ARHGAP29: variants seen among roughly 807,000 people sequenced by gnomAD.
ARHGAP29 encodes Rho GTPase activating protein 29.
A neutral mutation model predicts 122.6 loss-of-function variants in ARHGAP29; 43 were observed. The observed-to-expected ratio is 0.35, with a 90% CI of 0.27 to 0.45. ARHGAP29 has a LOEUF of 0.45. Ranked by LOEUF, ARHGAP29 falls within the 20% of genes least tolerant of loss-of-function variation. ARHGAP29 has a pLI of 1.00. For missense variants in ARHGAP29, 1,303 were observed against 1,477.2 expected (o/e 0.88, Z 1.93); for synonymous variants, 506 against 497.1 (o/e 1.02, Z -0.24).
At chr1:94,203,575 A>C (rs1314587720) in intron 8 of ARHGAP29, among the ~76,000 whole-genome samples, 2 of 152,092 alleles carry the variant, frequency 1.3e-5, no homozygotes, top group Non-Finnish European at 2.9e-5. Context: ...TCTCTACAAA[A>C]ACATGCAAAA....
Position 94,202,947 on chromosome 1 carries a change from C to T in ARHGAP29, c.925G>A (p.Glu309Lys), listed in dbSNP as rs758599168. Reference protein sequence around the residue: ...EMEKQRKEIKELWKQEQNKML... With the variant: ...EMEKQRKEIKKLWKQEQNKML... ...TTATTTTGCTCCTGTTTCCAAAGCT[C>T]TTTTATTTCTTTCCTTTGTTTTTCC... Residue 309 changes from glutamate to lysine, a missense_variant, in exon 10 of 23, where the codon GAG becomes AAG. By Grantham distance (56) the Glu-to-Lys change is moderately conservative. This residue lies in a region of ARHGAP29 where 592 missense variants were observed against 648.2 expected (regional missense o/e 0.91). Transcript: ENST00000260526. 3 of 1,609,194 alleles carry T rather than the reference C, an allele frequency of 1.9e-6. 1 individual carries two copies. The highest frequency in any genetic ancestry group is 2.2e-5 in the South Asian group (2 of 89,560).
rs1299495644 is a variant in ARHGAP29 at position 94,203,985 on chromosome 1, G to A, written c.707C>T (p.Ser236Phe). The A allele has an allele frequency of 6.8e-6, 11 of 1,613,456 alleles. No individual in the cohort carries two copies. The Admixed American group carries it at 1.3e-4, about 20-fold the overall frequency. Residue 236 changes from serine (S) to phenylalanine (F), a missense_variant, in exon 8 of 23, where the codon TCC becomes TTC. This residue lies in a region of ARHGAP29 where 592 missense variants were observed against 648.2 expected (regional missense o/e 0.91). Coordinates refer to ENST00000260526, the MANE Select transcript of ARHGAP29 (RefSeq NM_004815.4). ...VEKKLNLELE[S>F]TRNMVKLAEA... is the part of the protein sequence containing the mutation. Reference sequence around the variant, plus strand: ...TGCCAACTTGACCATATTTCTAGTGGACTCCAATTCTGAAAAGTTCAAAGA... The same window carrying A: ...TGCCAACTTGACCATATTTCTAGTGAACTCCAATTCTGAAAAGTTCAAAGA...
chr1:94,288,054 T>A, the ARHGAP29 span, among the ~76,000 whole-genome samples: 1 of 152,106 alleles, frequency 6.6e-6, no homozygotes, highest in South Asian at 2.1e-4. Context: ...TGTTTCTGGT[T>A]CTAGATCCTT....
Position 94,202,572 on chromosome 1 carries a change from C to T in ARHGAP29, c.1115G>A (p.Arg372Gln), listed in dbSNP as rs768915881. The T allele has an allele frequency of 3.1e-6, 5 of 1,614,014 alleles. No homozygotes were observed. Among genetic ancestry groups the T allele is most frequent in the Non-Finnish European group, 3.4e-6 (4 of 1,180,038 alleles). The change falls in exon 11 of 23, where the codon CGA becomes CAA. Residue 372 changes from arginine to glutamine, a missense_variant. Physicochemically the swap from Arg to Gln is conservative, Grantham distance 43 (BLOSUM62 1). Around this residue, in one of 3 missense-constraint regions of ARHGAP29, gnomAD observed 592 missense variants for 648.2 expected, o/e 0.91. Coordinates refer to ENST00000260526, the MANE Select transcript of ARHGAP29 (RefSeq NM_004815.4). Reference protein sequence around the residue: ...KNLNKQLEKKRRLEEEALQKV... With the variant: ...KNLNKQLEKKQRLEEEALQKV... ...TTGGAGAGCCTCCTCTTCCAACCTT[C>T]GCTTTTTTTCTAGTTGCTTGTTGAG...
chr1:94,248,114 C>T (rs1036118094), intron 1 of ARHGAP29: 52 of 152,252 alleles, frequency 3.4e-4, no homozygotes, highest in African/African-American at 1.3e-3. Context: ...CTCCACCCTT[C>T]TTCTCCCATT....
chr1:94,240,902 G>A (rs1653547886), upstream of ARHGAP29, among the ~76,000 whole-genome samples: 1 of 152,132 alleles, frequency 6.6e-6, no homozygotes, highest in African/African-American at 2.4e-5. Context: ...TCATCTTCCT[G>A]AAGACAATTC....
In ARHGAP29 at chr1:94,231,451, T is replaced by C; in HGVS notation, c.161A>G (p.Lys54Arg). 6.2e-7 allele frequency: 1 copy of C among 1,613,748 alleles called. No homozygotes were observed. The highest frequency in any genetic ancestry group is 8.5e-7 in the Non-Finnish European group (1 of 1,179,714). Residue 54 changes from lysine (K) to arginine (R), a missense_variant, in exon 2 of 23, where the codon AAG becomes AGG. Lys to Arg is a conservative substitution (Grantham distance 26, BLOSUM62 2). Coordinates refer to ENST00000260526, the MANE Select transcript of ARHGAP29 (RefSeq NM_004815.4). ...YIKELVNDIR[K>R]FSHMLLYLKE... ...CAAATATAGTAACATGTGGGAGAAC[T>C]TCCTGATATCATTCACCAACTCCTT... is the stretch of plus-strand genomic sequence containing the variant.
Position 94,177,179 on chromosome 1 carries a change from C to T in ARHGAP29, c.2905+433G>A, listed in dbSNP as rs370496035. ...TTAAATGTAGGCCACAGGTAAAAAGCATGTCAAAAAAAAAGTAGGACTCTA... is the reference window on the plus strand; with the variant it reads ...TTAAATGTAGGCCACAGGTAAAAAGTATGTCAAAAAAAAAGTAGGACTCTA... On this transcript the variant is annotated intron_variant, in intron 22 of 22. Transcript: ENST00000260526. 33 of 153,142 alleles carry T rather than the reference C, an allele frequency of 2.2e-4. No individual in the cohort carries two copies. In the South Asian group the frequency reaches 3.3e-3, roughly 15 times the overall value. The allele number at this position is 153,142 out of a possible 1,614,324, so 9.5% of individuals were successfully genotyped here.
At chr1:94,267,581 C>T (rs1441343494) in intron 1 of ARHGAP29, among the ~76,000 whole-genome samples, 1 of 149,092 alleles carries the variant, frequency 6.7e-6, no homozygotes. Context: ...ATTTAATTCA[C>T]CTATGTTTAA....
intron 12 of ARHGAP29, among the ~76,000 whole-genome samples, chr1:94,200,970 C>T (rs1650804198): frequency 6.6e-6 from 1 of 152,018 alleles, no homozygotes; most frequent in African/African-American, 2.4e-5. Context: ...AGTACTTACA[C>T]AAATTTGTAA....
chr1:94,175,325 T>C (rs553889254), intron 22 of ARHGAP29, among the ~76,000 whole-genome samples: 1 of 152,340 alleles, frequency 6.6e-6, no homozygotes, highest in African/African-American at 2.4e-5. Flanking sequence ...TTTCCCCACC[T>C]GCTCCCGGAT....
At chr1:94,199,920 T>A (rs1483954395) in intron 12 of ARHGAP29, among the ~76,000 whole-genome samples, 1 of 152,212 alleles carries the variant, frequency 6.6e-6, no homozygotes, top group African/African-American at 2.4e-5. Context: ...CCTGTGGGTA[T>A]AATTTTATTA....
the ARHGAP29 span, among the ~76,000 whole-genome samples, chr1:94,313,992 G>A: frequency 6.6e-6 from 1 of 152,134 alleles, no homozygotes; most frequent in African/African-American, 2.4e-5. Flanking sequence ...GGGAGCTTGG[G>A]GAGGGATAGC....
chr1:94,245,898 A>G (rs576719778), intron 1 of ARHGAP29, among the ~76,000 whole-genome samples: 1 of 152,338 alleles, frequency 6.6e-6, no homozygotes, highest in East Asian at 1.9e-4. Flanking sequence ...GTGGCTATAA[A>G]AGCCCATGTT....
At chr1:94,269,857 A>G (rs2130896) in intron 1 of ARHGAP29, among the ~76,000 whole-genome samples, 1 of 152,076 alleles carries the variant, frequency 6.6e-6, no homozygotes, top group African/African-American at 2.4e-5. Context: ...GCTTATAAGT[A>G]GAGTCCTGGT....
chr1:94,225,869 C>T (rs1652584195), intron 2 of ARHGAP29, among the ~76,000 whole-genome samples: 1 of 151,926 alleles, frequency 6.6e-6, no homozygotes, highest in Non-Finnish European at 1.5e-5. Flanking sequence ...CCAATGTTTG[C>T]TTGTTTCTCT....
At chr1:94,307,258 G>C in the ARHGAP29 span, among the ~76,000 whole-genome samples, 1 of 152,050 alleles carries the variant, frequency 6.6e-6, no homozygotes, top group Non-Finnish European at 1.5e-5. Flanking sequence ...ATAAATACTT[G>C]GTTGCCTCCC....
chr1:94,189,114 A>G lies in ARHGAP29; in HGVS notation c.1576+102T>C, dbSNP rs201691779. ...ATAAGATCTCATAAACTTACAAACTAAGGCCTGATTTTTAAATTCCAGAGC... is the reference window on the plus strand; with the variant it reads ...ATAAGATCTCATAAACTTACAAACTGAGGCCTGATTTTTAAATTCCAGAGC... On this transcript the variant is annotated intron_variant, in intron 14 of 22. Coordinates refer to ENST00000260526, the MANE Select transcript of ARHGAP29 (RefSeq NM_004815.4). The G allele has an allele frequency of 9.1e-6, 13 of 1,435,732 alleles. No individual in the cohort carries two copies. In the East Asian group the frequency reaches 2.5e-4, roughly 28 times the overall value. The allele number at this position is 1,435,732 out of a possible 1,614,324, so 88.9% of individuals were successfully genotyped here. A position where few individuals can be genotyped will look rare whatever the true frequency, so the allele number is the denominator to read the frequency against.
chr1:94,185,744 T>A (rs1649759189), intron 16 of ARHGAP29, among the ~76,000 whole-genome samples: 1 of 152,184 alleles, frequency 6.6e-6, no homozygotes, highest in African/African-American at 2.4e-5. Flanking sequence ...GACATAACGT[T>A]TTCAGAATCA....
Sources: allele counts gnomAD v4.1 joint callset (sites outside exome capture counted in the v4.1 genomes callset), GRCh38; gene constraint gnomAD v4.1.1; regional missense constraint gnomAD v4.1.1; transcripts MANE v1.5; gene names NCBI Gene and HGNC (gene_info 2026-07-23, HGNC 2026-07-21).